Variants in RABGAP1L observed in about 807,000 individuals in gnomAD.
The protein encoded by RABGAP1L is RAB GTPase activating protein 1 like, also known as rab GTPase-activating protein 1-like.
RABGAP1L carries 63 observed loss-of-function variants against 137.7 expected under a neutral mutation model. That is an observed-to-expected ratio of 0.46 (90% confidence interval 0.37 to 0.56). The LOEUF (loss-of-function observed/expected upper bound fraction) is 0.56, where lower values mean the gene tolerates loss of function less well. Among genes scored for constraint, RABGAP1L ranks in the 20% least tolerant of loss-of-function variants. The pLI is 0.00. For synonymous variants in RABGAP1L, 431 were observed against 433.7 expected, an observed-to-expected ratio of 0.99 and a Z score of 0.08; for missense variants, 1,095 against 1,244.0, an observed-to-expected ratio of 0.88 and a Z score of 1.80.
chr1:174,909,400 A>T (rs984320489), intron 19 of RABGAP1L, among the ~76,000 whole-genome samples: 2 of 151,882 alleles, frequency 1.3e-5, no homozygotes, highest in Non-Finnish European at 2.9e-5. Flanking sequence ...TGATTTTTTT[A>T]AATATTTGTG....
At chr1:174,945,448 GCTT>G (rs1209134339) in intron 19 of RABGAP1L, 1 of 152,102 alleles carries the variant, frequency 6.6e-6, no homozygotes, top group African/African-American at 2.4e-5. Flanking sequence ...TGATATTATT[GCTT>G]CTTAATTTTT....
rs192214112 is a variant in RABGAP1L at position 174,710,986 on chromosome 1, C to T, written c.2169+8730C>T. Among the ~76,000 whole-genome samples, 219 of 152,272 alleles carry T rather than the reference C, an allele frequency of 1.4e-3. 1 individual carries two copies. Among genetic ancestry groups the T allele is most frequent in the Admixed American group, 0.011 (164 of 15,294 alleles). On this transcript the variant is annotated intron_variant, in intron 17 of 25. Coordinates refer to ENST00000681986, the MANE Select transcript of RABGAP1L (RefSeq NM_001366446.1). ...CGGTGGCGGGGAGGCTCAGGCATGG[C>T]GGGCTGCAGGTCCCAAGCCCTGCCC...
intron 19 of RABGAP1L, among the ~76,000 whole-genome samples, chr1:174,887,350 A>T (rs1281752648): frequency 6.6e-6 from 1 of 152,230 alleles, no homozygotes; most frequent in East Asian, 1.9e-4. Context: ...TATAATATTC[A>T]CAAAAATTGC....
intron 11 of RABGAP1L, among the ~76,000 whole-genome samples, chr1:174,350,849 G>A (rs2148928554): frequency 1.1e-5 from 1 of 89,904 alleles, no homozygotes; most frequent in Non-Finnish European, 2.3e-5. Flanking sequence ...GGCACCTCGG[G>A]AGGCCGAGGT....
chr1:174,375,955 C>T (rs61218633), intron 12 of RABGAP1L, among the ~76,000 whole-genome samples: 44,280 of 151,730 alleles, frequency 0.29, 7,226 homozygotes, highest in African/African-American at 0.43. Context: ...GTAATCTCAG[C>T]TACCCGGGAG....
At chr1:174,699,006 T>A (rs999494659) in intron 15 of RABGAP1L, among the ~76,000 whole-genome samples, 2 of 151,838 alleles carry the variant, frequency 1.3e-5, no homozygotes, top group African/African-American at 4.8e-5. Flanking sequence ...TTATTTTATT[T>A]TTTTTTTAGA....
chr1:174,946,917 A>AAAT lies in RABGAP1L; in HGVS notation c.2341-10539_2341-10538insATA, dbSNP rs1553290951. ...CTCCATCTCAAAAAAAAAAAAAAAA[A>AAAT]ATATATATATATATATATATATATG... On this transcript the variant is annotated intron_variant, in intron 19 of 25. Transcript: ENST00000681986. 1.1e-3 allele frequency among the ~76,000 whole-genome samples: 64 copies of AAAT among 59,814 alleles called. 1 individual carries two copies. The highest frequency in any genetic ancestry group is 0.014 in the Middle Eastern group (1 of 74). The allele number at this position is 59,814 out of a possible 152,430, so 39.2% of individuals were successfully genotyped here.
intron 14 of RABGAP1L, among the ~76,000 whole-genome samples, chr1:174,668,878 T>G (rs1676973704): frequency 1.3e-5 from 2 of 152,228 alleles, no homozygotes; most frequent in Admixed American, 6.5e-5. Context: ...TTTTTTCATA[T>G]TCCTGTTGGC....
intron 19 of RABGAP1L, among the ~76,000 whole-genome samples, chr1:174,834,609 C>A (rs183138373): frequency 4.0e-5 from 6 of 149,302 alleles, no homozygotes; most frequent in South Asian, 4.4e-4. Flanking sequence ...CCCCGCCCCC[C>A]CCGCCGCCCC....
chr1:174,588,332 T>G (rs975819768), intron 13 of RABGAP1L, among the ~76,000 whole-genome samples: 1 of 151,930 alleles, frequency 6.6e-6, no homozygotes, highest in African/African-American at 2.4e-5. Flanking sequence ...CCTGGCTAAA[T>G]TTTGTATTTT....
intron 1 of RABGAP1L, among the ~76,000 whole-genome samples, chr1:174,183,318 G>T (rs1321880001): frequency 2.0e-5 from 3 of 152,122 alleles, no homozygotes; most frequent in African/African-American, 7.2e-5. Context: ...GCTCACTGGG[G>T]TGTTGCTTTG....
At chr1:174,786,018 G>A (rs1177674779) in intron 18 of RABGAP1L, among the ~76,000 whole-genome samples, 196 of 152,288 alleles carry the variant, frequency 1.3e-3, no homozygotes, top group Non-Finnish European at 1.9e-4. Context: ...TGACTAATGT[G>A]TGTATACCAT....
intron 11 of RABGAP1L, among the ~76,000 whole-genome samples, chr1:174,327,992 T>TATATAC (rs1553274554): frequency 1.2e-4 from 7 of 57,612 alleles, no homozygotes; most frequent in African/African-American, 5.7e-4. Context: ...CACACATATA[T>TATATAC]ATATATATAT....
intron 14 of RABGAP1L, among the ~76,000 whole-genome samples, chr1:174,664,723 C>CTGCTTTTTTTTTT (rs1557963963): frequency 2.7e-5 from 3 of 111,412 alleles, no homozygotes; most frequent in African/African-American, 1.4e-4. Flanking sequence ...TTCTTTCTTT[C>CTGCTTTTTTTTTT]TTTCTGCTTT....
At chr1:174,643,927 GTGTGTGTGTGTGTGTA>G (rs945429767) in intron 14 of RABGAP1L, among the ~76,000 whole-genome samples, 3 of 132,872 alleles carry the variant, frequency 2.3e-5, no homozygotes, top group African/African-American at 7.3e-5. Context: ...GTGTGTGTGT[GTGTGTGTGTGTGTGTA>G]TGTATGTATG....
chr1:174,272,365 A>C (rs750883567), intron 7 of RABGAP1L, 49 bp from the exon 8 acceptor site: 1 of 1,579,656 alleles, frequency 6.3e-7, no homozygotes, highest in Non-Finnish European at 8.6e-7. Context: ...CTGGGCTTCT[A>C]TATATTCTTG....
chr1:174,403,208 A>AGAGTGT (rs1342365552), intron 13 of RABGAP1L, among the ~76,000 whole-genome samples: 11 of 126,730 alleles, frequency 8.7e-5, no homozygotes, highest in African/African-American at 2.9e-4. Context: ...TATATATGAG[A>AGAGTGT]GTGTGTGTGT....
chr1:174,482,971 C>T (rs1180689894), intron 13 of RABGAP1L, among the ~76,000 whole-genome samples: 1 of 151,872 alleles, frequency 6.6e-6, no homozygotes, highest in Non-Finnish European at 1.5e-5. Context: ...AAACAAATTA[C>T]CCTTTAGCAT....
chr1:174,241,561 C>T lies in RABGAP1L; in HGVS notation c.621C>T (p.Asp207=), dbSNP rs752694358. ...TGTTATTCTGTGCACGTGGACATGA[C>T]GGAACAACAGAGAGCAATTGCTTTG... ...YKVLFCARGH[D]GTTESNCFAF... The change falls in exon 5 of 26, where the codon GAC becomes GAT. Residue 207 remains aspartate (D), a synonymous_variant. Coordinates refer to ENST00000681986, the MANE Select transcript of RABGAP1L (RefSeq NM_001366446.1). The T allele has an allele frequency of 3.1e-6, 5 of 1,612,988 alleles. No individual in the cohort carries two copies. The highest frequency in any genetic ancestry group is 2.7e-5 in the African/African-American group (2 of 74,850).
Sources: gnomAD v4.1 joint callset for allele counts (sites outside exome capture counted in the v4.1 genomes callset) on GRCh38, gnomAD v4.1.1 for gene constraint, MANE v1.5 for transcripts, NCBI Gene and HGNC (gene_info 2026-07-23, HGNC 2026-07-21) for gene names.